ORC5: variants seen among roughly 807,000 people sequenced by gnomAD.
ORC5 encodes origin recognition complex subunit 5, also known as protein phosphatase 1, regulatory subunit 117.
A neutral mutation model predicts 58.8 loss-of-function variants in ORC5; 39 were observed. That is an observed-to-expected ratio of 0.66 (90% CI 0.51 to 0.87). The LOEUF is 0.87. Among genes scored for constraint, ORC5 ranks in the 40% least tolerant of loss-of-function variants. The pLI is 0.00. For missense variants in ORC5, 493 were observed against 506.3 expected (o/e 0.97, Z 0.25); for synonymous variants, 218 against 177.6 (o/e 1.23, Z -1.81).
chr7:104,137,398 G>C (rs550505396), intron 12 of ORC5, among the ~76,000 whole-genome samples: 7 of 152,072 alleles, frequency 4.6e-5, no homozygotes, highest in Non-Finnish European at 8.8e-5. Context: ...TGATACAGGA[G>C]GGGGGCAGGG....
At chr7:104,200,265 A>G (rs1487601075) in intron 3 of ORC5, among the ~76,000 whole-genome samples, 1 of 152,180 alleles carries the variant, frequency 6.6e-6, no homozygotes, top group Non-Finnish European at 1.5e-5. Flanking sequence ...GTGCTTTAGT[A>G]TAGTTTTCTA....
At chr7:104,172,804 A>T (rs1799238477) in intron 8 of ORC5, among the ~76,000 whole-genome samples, 1 of 152,184 alleles carries the variant, frequency 6.6e-6, no homozygotes, top group African/African-American at 2.4e-5. Flanking sequence ...CTTCTCACAC[A>T]CTATGTGCCA....
intron 1 of ORC5, among the ~76,000 whole-genome samples, chr7:104,205,319 A>C (rs972200528): frequency 6.6e-6 from 1 of 151,744 alleles, no homozygotes; most frequent in African/African-American, 2.4e-5. Flanking sequence ...CAAACTCCTG[A>C]CCTTGTGATC....
chr7:104,142,183 C>T (rs1798684570), intron 12 of ORC5, among the ~76,000 whole-genome samples: 1 of 152,062 alleles, frequency 6.6e-6, no homozygotes, highest in Admixed American at 6.6e-5. Flanking sequence ...ATTGGATATC[C>T]ACATGCACAA....
At chr7:104,144,060 A>C (rs554991695) in intron 12 of ORC5, among the ~76,000 whole-genome samples, 1 of 152,242 alleles carries the variant, frequency 6.6e-6, no homozygotes, top group African/African-American at 2.4e-5. Flanking sequence ...TGGAGGTTGC[A>C]GTGAGCTGAG....
intron 5 of ORC5, among the ~76,000 whole-genome samples, chr7:104,188,829 G>A (rs189835787): frequency 1.3e-5 from 2 of 152,118 alleles, no homozygotes; most frequent in African/African-American, 2.4e-5. Flanking sequence ...CTGTTCTTGT[G>A]ATAGAGTTCT....
chr7:104,130,002 T>C (rs559239665), intron 13 of ORC5, among the ~76,000 whole-genome samples: 3 of 152,332 alleles, frequency 2.0e-5, no homozygotes, highest in South Asian at 4.1e-4. Context: ...TTTTCTTTCT[T>C]TAGGATACTA....
chr7:104,205,855 CAAA>C (rs1800066996), intron 1 of ORC5, among the ~76,000 whole-genome samples: 2 of 152,168 alleles, frequency 1.3e-5, no homozygotes, highest in South Asian at 4.2e-4. Flanking sequence ...ACAAAAAACA[CAAA>C]AATAGCCAGG....
intron 8 of ORC5, among the ~76,000 whole-genome samples, chr7:104,175,914 A>G (rs543730232): frequency 2.6e-5 from 4 of 152,356 alleles, no homozygotes; most frequent in East Asian, 1.9e-4. Flanking sequence ...TCTAAAAAAT[A>G]TAAACATTGG....
At position 104,208,000 on chromosome 7, in the gene ORC5, C is replaced by G; in HGVS notation, c.-96G>C. 1.7e-6 allele frequency: 2 copies of G among 1,190,836 alleles called. No individual in the cohort carries two copies. The highest frequency in any genetic ancestry group is 1.5e-5 in the African/African-American group (1 of 65,490). The allele number at this position is 1,190,836 out of a possible 1,614,324, so 73.8% of individuals were successfully genotyped here. ...CGAGTCTGGCGGCCCACGCTCCCGC[C>G]GGAAACCGGACCCGCAGCGTCGTGG... On this transcript the variant is annotated 5_prime_UTR_variant, in exon 1 of 14. Coordinates refer to ENST00000297431, the MANE Select transcript of ORC5 (RefSeq NM_002553.4).
chr7:104,146,256 A>G (rs550688665), intron 12 of ORC5, among the ~76,000 whole-genome samples: 4 of 152,336 alleles, frequency 2.6e-5, no homozygotes, highest in African/African-American at 9.6e-5. Context: ...GGTAAAACAT[A>G]TACGCCTTAT....
At chr7:104,146,430 G>T (rs1798753498) in intron 12 of ORC5, among the ~76,000 whole-genome samples, 1 of 152,130 alleles carries the variant, frequency 6.6e-6, no homozygotes, top group Admixed American at 6.5e-5. Context: ...ACAGGTGAAT[G>T]GTTAAACAAA....
intron 8 of ORC5, among the ~76,000 whole-genome samples, chr7:104,173,544 CA>C (rs1321128174): frequency 6.6e-6 from 1 of 152,216 alleles, no homozygotes; most frequent in African/African-American, 2.4e-5. Context: ...TCTGCTTCCG[CA>C]GCTCACCTTT....
intron 5 of ORC5, among the ~76,000 whole-genome samples, chr7:104,193,736 A>G (rs1298078995): frequency 6.6e-6 from 1 of 151,386 alleles, no homozygotes; most frequent in African/African-American, 2.4e-5. Context: ...AAAAAACAAA[A>G]CTGAATATGT....
At chr7:104,143,012 G>A (rs751550449) in intron 12 of ORC5, among the ~76,000 whole-genome samples, 3 of 152,152 alleles carry the variant, frequency 2.0e-5, no homozygotes, top group Non-Finnish European at 4.4e-5. Context: ...AGTGAAGAGT[G>A]AACATAGTCT....
intron 11 of ORC5, 61 bp from the exon 12 acceptor site, chr7:104,161,243 A>T: frequency 1.2e-6 from 1 of 853,296 alleles, no homozygotes; most frequent in Non-Finnish European, 2.0e-6. Context: ...CACTTTCTGT[A>T]CTACAAAACT....
At position 104,129,017 on chromosome 7, in the gene ORC5, A is replaced by G. The variant is rs1056214790; in HGVS notation, c.1263-2124T>C. Among the ~76,000 whole-genome samples the G allele has an allele frequency of 2.6e-5, 4 of 152,128 alleles. No homozygotes were observed. Among genetic ancestry groups the G allele is most frequent in the African/African-American group, 4.8e-5 (2 of 41,430 alleles). ...AATACATTATTTGATGAAATATTAT[A>G]CAGCCATACAAAATGATCAATATGA... On this transcript the variant is annotated intron_variant, in intron 13 of 13. Transcript: ENST00000297431. The surrounding 1 kb of genome is among the most constrained non-coding windows in gnomAD (Gnocchi z 4.9).
At chr7:104,193,403 C>A (rs1242651678) in intron 5 of ORC5, among the ~76,000 whole-genome samples, 1 of 151,778 alleles carries the variant, frequency 6.6e-6, no homozygotes, top group African/African-American at 2.4e-5. Flanking sequence ...AATAACTAAA[C>A]CAAAAACCTA....
At chr7:104,199,567 G>A (rs1370542179) in intron 3 of ORC5, among the ~76,000 whole-genome samples, 1 of 152,234 alleles carries the variant, frequency 6.6e-6, no homozygotes, top group African/African-American at 2.4e-5. Flanking sequence ...CTTTGTTTGG[G>A]CCAATTTCTC....
Sources: gnomAD v4.1 joint callset for allele counts (sites outside exome capture counted in the v4.1 genomes callset) on GRCh38, gnomAD v4.1.1 for gene constraint, Gnocchi (gnomAD v3.1) non-coding constraint, MANE v1.5 for transcripts, NCBI Gene and HGNC (gene_info 2026-07-23, HGNC 2026-07-21) for gene names.